TNFRSF14: variants seen among roughly 807,000 people sequenced by gnomAD.
TNFRSF14 encodes the protein TNF receptor superfamily member 14, also known as tumor necrosis factor receptor superfamily member 14.
In TNFRSF14, 18 loss-of-function variants were observed where a neutral mutation model predicts 34.1. The ratio of observed to expected loss-of-function variants is 0.53; its 90% CI spans 0.36 to 0.78. TNFRSF14 has a LOEUF of 0.78. Ranked by LOEUF, TNFRSF14 falls within the 30% of genes least tolerant of loss-of-function variation. TNFRSF14 has a pLI of 0.00. For missense variants in TNFRSF14, 352 were observed against 379.5 expected, an observed-to-expected ratio of 0.93 and a Z score of 0.60; for synonymous variants, 157 against 153.2, an observed-to-expected ratio of 1.02 and a Z score of -0.18.
chr1:2,561,854 G>GCC lies in TNFRSF14; in HGVS notation c.694+40_694+41dup, dbSNP rs752092710. On this transcript the variant is annotated intron_variant, in intron 6 of 7. Transcript: ENST00000355716. The surrounding 1 kb of genome is among the most constrained non-coding windows in gnomAD (Gnocchi z 6.0). The stretch of plus-strand genomic sequence containing the variant: ...GGCCCCATCAGGGCTCATGTCCCCA[G>GCC]CCGTCACCTCTTGGAGCTCTGTCAC... The GCC allele has an allele frequency of 4.4e-6, 7 of 1,596,316 alleles. No homozygotes were observed. The African/African-American group carries it at 8.0e-5, about 18-fold the overall frequency.
At chr1:2,556,333 A>T, upstream of TNFRSF14, 2 of 611,206 alleles carry the variant, frequency 3.3e-6, no homozygotes, top group Admixed American at 2.1e-5. Flanking sequence ...GGAATGGTGC[A>T]GGGGGAGAAC....
In TNFRSF14 at chr1:2,559,617, C is replaced by T. The variant is rs746749822; in HGVS notation, c.305-206C>T. 25 of 1,534,194 alleles carry T rather than the reference C, an allele frequency of 1.6e-5. No individual in the cohort carries two copies. In the East Asian group the frequency reaches 5.9e-4, roughly 36 times the overall value. On this transcript the variant is annotated intron_variant, in intron 3 of 7. Transcript: ENST00000355716. ...AGGACCTTCCTGCAAGCCCTCGTCCCACACGCAGCTCTGCCGTCCCTTGGT... is the reference window on the plus strand; with the variant it reads ...AGGACCTTCCTGCAAGCCCTCGTCCTACACGCAGCTCTGCCGTCCCTTGGT...
Position 2,562,559 on chromosome 1 carries a change from G to A in TNFRSF14, c.695-306G>A, listed in dbSNP as rs978482116. Reference sequence around the variant, plus strand: ...GGGCAGGGCCTCTCCACTGTGAAGCGCTTGTTCCCCTCCCATAGATGACGG... The same window carrying A: ...GGGCAGGGCCTCTCCACTGTGAAGCACTTGTTCCCCTCCCATAGATGACGG... On this transcript the variant is annotated intron_variant, in intron 6 of 7. Coordinates refer to ENST00000355716, the MANE Select transcript of TNFRSF14 (RefSeq NM_003820.4). The A allele has an allele frequency of 1.4e-4, 77 of 553,800 alleles. No individual in the cohort carries two copies. The East Asian group carries it at 2.2e-3, about 16-fold the overall frequency. The allele number at this position is 553,800 out of a possible 1,614,324, so 34.3% of individuals were successfully genotyped here. A position where few individuals can be genotyped will look rare whatever the true frequency, so the allele number is the denominator to read the frequency against.
rs890158551 is a variant in TNFRSF14, at chr1:2,563,360, C to T, written c.*87C>T. On this transcript the variant is annotated 3_prime_UTR_variant, in exon 8 of 8. Coordinates refer to ENST00000355716, the MANE Select transcript of TNFRSF14 (RefSeq NM_003820.4). ...TCCACCTGGCGGAACCACCGGAGCCCGGAGGCTTGGGGGCTCCGCCCTGGG... is the reference window on the plus strand; with the variant it reads ...TCCACCTGGCGGAACCACCGGAGCCTGGAGGCTTGGGGGCTCCGCCCTGGG... 169 of 1,573,396 alleles carry T rather than the reference C, an allele frequency of 1.1e-4. No homozygotes were observed. Among genetic ancestry groups the T allele is most frequent in the South Asian group, 1.9e-4 (16 of 86,122 alleles).
upstream of TNFRSF14, chr1:2,554,769 C>T (rs768566105): frequency 1.3e-5 from 2 of 152,238 alleles, no homozygotes; most frequent in African/African-American, 2.4e-5. The surrounding 1 kb of genome is among the most constrained non-coding windows in gnomAD (Gnocchi z 4.2). Context: ...CCCTCCTCCC[C>T]AGGGTGGGGT....
chr1:2,563,462 C>T lies in TNFRSF14; in HGVS notation c.*189C>T. The T allele has an allele frequency of 1.1e-6, 1 of 895,176 alleles. No individual in the cohort carries two copies. The highest frequency in any genetic ancestry group is 1.8e-5 in the South Asian group (1 of 56,022). The allele number at this position is 895,176 out of a possible 1,614,324, so 55.5% of individuals were successfully genotyped here. On this transcript the variant is annotated 3_prime_UTR_variant, in exon 8 of 8. Transcript: ENST00000355716. ...GAGCTGGGGACGCCACGTGCCATTC[C>T]CATGGGCCAGTGAGGGCCTGGGGCC...
In TNFRSF14 at chr1:2,559,866, C is replaced by A; in HGVS notation, c.348C>A (p.Asn116Lys). 1 of 1,606,828 alleles carries A rather than the reference C, an allele frequency of 6.2e-7. No individual in the cohort carries two copies. Among genetic ancestry groups the A allele is most frequent in the Non-Finnish European group, 8.5e-7 (1 of 1,177,324 alleles). ...RASRNCSRTE[N>K]AVCGCSPGHF... The stretch of plus-strand genomic sequence containing the variant: ...GCCGGAACTGCTCCAGGACAGAGAA[C>A]GCCGTGTGTGGCTGCAGCCCAGGCC... The change falls in exon 4 of 8, where the codon AAC becomes AAA. Residue 116 changes from asparagine (N) to lysine (K), a missense_variant. Coordinates refer to ENST00000355716, the MANE Select transcript of TNFRSF14 (RefSeq NM_003820.4).
intron 3 of TNFRSF14, chr1:2,558,998 C>T (rs1194387651): frequency 2.2e-6 from 3 of 1,367,530 alleles, no homozygotes; most frequent in South Asian, 1.2e-5. Context: ...TCACTGAGCG[C>T]AGAGCCTGTC....
chr1:2,558,894 CT>C, intron 3 of TNFRSF14: 1 of 1,352,048 alleles, frequency 7.4e-7, no homozygotes, highest in Non-Finnish European at 9.7e-7. Context: ...TTGGTTCCCC[CT>C]GTGACCTCAG....
rs1644335513 is a variant in TNFRSF14, at chr1:2,563,158, A to G, written c.737A>G (p.Gln246Arg). The G allele has an allele frequency of 1.2e-6, 2 of 1,613,466 alleles. No individual in the cohort carries two copies. The highest frequency in any genetic ancestry group is 2.2e-5 in the South Asian group (2 of 91,084). Reference sequence around the variant, plus strand: ...TTCGTGTGCTCACAGCGGAAAAGACAGGAGGCAGAAGGTGAGGCCACAGTC... The same window carrying G: ...TTCGTGTGCTCACAGCGGAAAAGACGGGAGGCAGAAGGTGAGGCCACAGTC... ...KVIVSVQRKRQEAEGEATVIE... is the reference protein window; with the variant it reads ...KVIVSVQRKRREAEGEATVIE... The change falls in exon 8 of 8, where the codon CAG (glutamine) becomes CGG (arginine). Residue 246 changes from glutamine to arginine, a missense_variant. Gln to Arg is a conservative substitution (Grantham distance 43). Transcript: ENST00000355716.
intron 1 of TNFRSF14, chr1:2,557,072 G>C (rs1186090672): frequency 5.8e-6 from 2 of 344,454 alleles, no homozygotes; most frequent in Non-Finnish European, 1.1e-5. Context: ...CGGGGCCCTC[G>C]AGCAGGTGAC....
At position 2,560,727 on chromosome 1, in the gene TNFRSF14, G is replaced by A. The variant is rs201773673; in HGVS notation, c.551+13G>A. 1.0e-4 allele frequency: 169 copies of A among 1,611,456 alleles called. 3 individuals are homozygous for A. In the South Asian group the frequency reaches 1.7e-3, roughly 16 times the overall value. On this transcript the variant is annotated intron_variant, in intron 5 of 7. Transcript: ENST00000355716. ...AGCACCAGACCAAGTAAGTGAACCC[G>A]GGGGAGGCCCAGCTCTGTGCCCTGG...
chr1:2,562,862 C>T lies in TNFRSF14; in HGVS notation c.695-3C>T. On this transcript the variant is annotated splice_polypyrimidine_tract_variant and splice_region_variant and intron_variant, in intron 6 of 7. Transcript: ENST00000355716. Reference sequence around the variant, plus strand: ...CCCTGACCTGTGTGTCTGTGTATTGCAGGTGATGTAGTCAAGGTGATCGTC... The same window carrying T: ...CCCTGACCTGTGTGTCTGTGTATTGTAGGTGATGTAGTCAAGGTGATCGTC... 1.2e-6 allele frequency: 2 copies of T among 1,613,978 alleles called. No homozygotes were observed. The highest frequency in any genetic ancestry group is 1.7e-6 in the Non-Finnish European group (2 of 1,179,982).
Position 2,560,628 on chromosome 1 carries a change from C to T in TNFRSF14, c.465C>T (p.Thr155=), listed in dbSNP as rs149259508. The T allele has an allele frequency of 1.4e-5, 23 of 1,612,942 alleles. No individual in the cohort carries two copies. The African/African-American group carries it at 1.7e-4, about 12-fold the overall frequency. The stretch of plus-strand genomic sequence containing the variant: ...TGTCCGTCCCTCTCTTCTCAGGCAC[C>T]GAGAGTCAGGACACCCTGTGTCAGA... ...SPGQRVQKGG[T]ESQDTLCQNC... Residue 155 remains threonine (T), a synonymous_variant, in exon 5 of 8, where the codon ACC becomes ACT. Coordinates refer to ENST00000355716, the MANE Select transcript of TNFRSF14 (RefSeq NM_003820.4).
chr1:2,561,686 G>A lies in TNFRSF14; in HGVS notation c.565G>A (p.Val189Met), dbSNP rs369456377. The A allele has an allele frequency of 1.9e-6, 3 of 1,613,070 alleles. No homozygotes were observed. The highest frequency in any genetic ancestry group is 2.7e-5 in the African/African-American group (2 of 74,912). The part of the protein sequence containing the change: ...CQHQTKCSWL[V>M]TKAGAGTSSS... ...CCACTCCCGCAGGTGCAGCTGGCTG[G>A]TGACGAAGGCCGGAGCTGGGACCAG... The change falls in exon 6 of 8, where the codon GTG becomes ATG. Residue 189 changes from valine to methionine, a missense_variant. Val to Met is a conservative substitution (Grantham distance 21, BLOSUM62 1). Coordinates refer to ENST00000355716, the MANE Select transcript of TNFRSF14 (RefSeq NM_003820.4). This position sits in a 1 kb window ranked among gnomAD's most constrained non-coding sequence, Gnocchi z 6.0.
At chr1:2,556,836 C>A in intron 1 of TNFRSF14, 103 bp downstream of exon 1, 1 of 1,240,070 alleles carries the variant, frequency 8.1e-7, no homozygotes, top group Non-Finnish European at 1.1e-6. Flanking sequence ...CCGTTGCTGG[C>A]TCCGGCGTCC....
chr1:2,563,056 C>A, intron 7 of TNFRSF14, 92 bp from the exon 8 acceptor site: 3 of 1,592,302 alleles, frequency 1.9e-6, no homozygotes, highest in Non-Finnish European at 1.7e-6. Flanking sequence ...AGAACCCACC[C>A]CCTCAAACTG....
Position 2,559,766 on chromosome 1 carries a change from C to T in TNFRSF14, c.305-57C>T, listed in dbSNP as rs2234161. The T allele has an allele frequency of 0.52, 809,988 of 1,558,776 alleles. 214,939 individuals are homozygous for T. Among genetic ancestry groups the T allele is most frequent in the African/African-American group, 0.78 (57,519 of 74,146 alleles). The stretch of plus-strand genomic sequence containing the variant: ...TTGGCCTGTGGATGCTGTCCTGGCC[C>T]GTGGATGGTGTCCCGGCCTCCACGT... On this transcript the variant is annotated intron_variant, in intron 3 of 7. Coordinates refer to ENST00000355716, the MANE Select transcript of TNFRSF14 (RefSeq NM_003820.4).
intron 3 of TNFRSF14, chr1:2,558,875 C>T: frequency 7.5e-7 from 1 of 1,333,612 alleles, no homozygotes. Context: ...TCCCTTTCTC[C>T]TCCAGATATT....
Sources: gnomAD v4.1 joint callset for allele counts on GRCh38, gnomAD v4.1.1 for gene constraint, Gnocchi (gnomAD v3.1) non-coding constraint, MANE v1.5 for transcripts, NCBI Gene and HGNC (gene_info 2026-07-23, HGNC 2026-07-21) for gene names.